Variants in GALNT17 observed in about 807,000 individuals in gnomAD.
The protein encoded by GALNT17 is polypeptide N-acetylgalactosaminyltransferase 17.
A neutral mutation model predicts 63.7 loss-of-function variants in GALNT17; 29 were observed. The ratio of observed to expected loss-of-function variants is 0.46; its 90% CI spans 0.34 to 0.62. The LOEUF is 0.62. GALNT17 is among the 20% of genes least tolerant of loss of function. The probability of loss-of-function intolerance (pLI) is 0.01; values close to 1 mark genes in which losing one functional copy is unlikely to be tolerated. For missense variants in GALNT17, 603 were observed against 799.6 expected, an observed-to-expected ratio of 0.75 and a Z score of 2.97; for synonymous variants, 305 against 318.3, an observed-to-expected ratio of 0.96 and a Z score of 0.45.
chr7:71,450,732 C>A (rs958338500), intron 5 of GALNT17, among the ~76,000 whole-genome samples: 3 of 152,218 alleles, frequency 2.0e-5, no homozygotes, highest in East Asian at 1.9e-4. Context: ...TTTGCCTGTT[C>A]TGGATGTTTT....
chr7:71,670,207 A>T, intron 8 of GALNT17, 98 bp downstream of exon 8: 2 of 1,549,458 alleles, frequency 1.3e-6, no homozygotes, highest in Non-Finnish European at 1.8e-6. Context: ...CATTCATTCA[A>T]TGAGTGGTTT....
At chr7:71,562,778 C>A (rs1280809297) in intron 5 of GALNT17, among the ~76,000 whole-genome samples, 1 of 152,092 alleles carries the variant, frequency 6.6e-6, no homozygotes, top group Admixed American at 6.6e-5. Context: ...GGGTTGAGGA[C>A]CCCTGGTATA....
At chr7:71,528,090 A>C (rs1235371535) in intron 5 of GALNT17, among the ~76,000 whole-genome samples, 1 of 152,196 alleles carries the variant, frequency 6.6e-6, no homozygotes, top group African/African-American at 2.4e-5. Flanking sequence ...TTTGCAATCT[A>C]TGGTACAGAA....
At chr7:71,484,666 C>A (rs1036932814) in intron 5 of GALNT17, among the ~76,000 whole-genome samples, 3 of 152,070 alleles carry the variant, frequency 2.0e-5, no homozygotes, top group Non-Finnish European at 2.9e-5. Flanking sequence ...TCCTGTGGGC[C>A]CACTGTCCTA....
Position 71,428,753 on chromosome 7 carries a change from T to C in GALNT17, c.962+7648T>C, listed in dbSNP as rs575725877. ...CGCCCGGCTGACATCGTTTTTAAAG[T>C]GGTTCCAAGTCCACATTCCTTCTGC... On this transcript the variant is annotated intron_variant, in intron 5 of 10. Transcript: ENST00000333538. 2.3e-3 allele frequency among the ~76,000 whole-genome samples: 348 copies of C among 152,274 alleles called. 1 individual carries two copies. Among genetic ancestry groups the C allele is most frequent in the African/African-American group, 7.8e-3 (324 of 41,574 alleles).
At chr7:71,473,660 A>G (rs1787678048) in intron 5 of GALNT17, among the ~76,000 whole-genome samples, 1 of 151,946 alleles carries the variant, frequency 6.6e-6, no homozygotes, top group Non-Finnish European at 1.5e-5. Flanking sequence ...CCAGGAATCC[A>G]ATGTTTCAGG....
At chr7:71,518,419 G>A (rs1442543389) in intron 5 of GALNT17, among the ~76,000 whole-genome samples, 1 of 152,178 alleles carries the variant, frequency 6.6e-6, no homozygotes, top group Non-Finnish European at 1.5e-5. Flanking sequence ...GATGGCTGAT[G>A]TACCATCACT....
intron 5 of GALNT17, among the ~76,000 whole-genome samples, chr7:71,466,141 C>A (rs1423096937): frequency 6.6e-6 from 1 of 152,184 alleles, no homozygotes; most frequent in African/African-American, 2.4e-5. Flanking sequence ...CAAAATACAT[C>A]AAAGTCACGT....
chr7:71,344,090 C>T (rs1401444582), intron 2 of GALNT17, among the ~76,000 whole-genome samples: 1 of 144,918 alleles, frequency 6.9e-6, no homozygotes, highest in Non-Finnish European at 1.5e-5. Flanking sequence ...ATTTATAGTC[C>T]TTTTGGTCAC....
intron 7 of GALNT17, among the ~76,000 whole-genome samples, chr7:71,666,683 G>A (rs1790990479): frequency 6.6e-6 from 1 of 151,936 alleles, no homozygotes; most frequent in African/African-American, 2.4e-5. Flanking sequence ...TAATACTCTC[G>A]AATCTCATCC....
At chr7:71,245,427 G>A (rs1790076166) in intron 1 of GALNT17, among the ~76,000 whole-genome samples, 2 of 152,214 alleles carry the variant, frequency 1.3e-5, no homozygotes, top group South Asian at 4.1e-4. Flanking sequence ...AGTAGTCTAT[G>A]CTCATGGTGA....
rs770720210 is a variant in GALNT17 at position 71,665,527 on chromosome 7, T to G, written c.1197T>G (p.Leu399=). Residue 399 remains leucine (L), a synonymous_variant, in exon 7 of 11, where the codon CTT becomes CTG. Transcript: ENST00000333538. ...GCTTCTACACCAAGAGGAATGCTCT[T>G]CGCGTTGCTGAGGTCTGGATGGACG... The part of the protein sequence containing the change: ...NIGFYTKRNA[L]RVAEVWMDDY... 2 of 1,614,090 alleles carry G rather than the reference T, an allele frequency of 1.2e-6. No individual in the cohort carries two copies. Among genetic ancestry groups the G allele is most frequent in the Admixed American group, 3.3e-5 (2 of 59,998 alleles).
At chr7:71,587,764 G>C (rs979849879) in intron 6 of GALNT17, among the ~76,000 whole-genome samples, 1 of 151,850 alleles carries the variant, frequency 6.6e-6, no homozygotes, top group Admixed American at 6.6e-5. Flanking sequence ...GTAAATTTCA[G>C]CTCATCTAAA....
At chr7:71,542,548 T>A (rs1276174734) in intron 5 of GALNT17, among the ~76,000 whole-genome samples, 2 of 151,680 alleles carry the variant, frequency 1.3e-5, no homozygotes, top group Non-Finnish European at 2.9e-5. Flanking sequence ...TACAAAAAAT[T>A]AGCCAGGTGT....
intron 1 of GALNT17, among the ~76,000 whole-genome samples, chr7:71,145,704 A>AT (rs1562860754): frequency 6.6e-6 from 1 of 151,792 alleles, no homozygotes; most frequent in Non-Finnish European, 1.5e-5. Flanking sequence ...GGGTTTCTTA[A>AT]TTTTTTTATT....
chr7:71,445,823 C>T (rs1252164627), intron 5 of GALNT17, among the ~76,000 whole-genome samples: 1 of 151,912 alleles, frequency 6.6e-6, no homozygotes. Flanking sequence ...CTCCTTAATG[C>T]CTCTGCACAC....
intron 2 of GALNT17, among the ~76,000 whole-genome samples, chr7:71,376,515 A>C (rs1435006964): frequency 1.5e-5 from 2 of 136,572 alleles, no homozygotes; most frequent in African/African-American, 5.6e-5. Context: ...TGAACTGAGA[A>C]TCTGAAGGAC....
At chr7:71,421,243 T>C (rs1786659171) in intron 5 of GALNT17, 138 bp downstream of exon 5, 2 of 863,678 alleles carry the variant, frequency 2.3e-6, no homozygotes, top group South Asian at 1.8e-5. Flanking sequence ...CGCCGTTGTC[T>C]CAGGATCACA....
rs551215751 is a variant in GALNT17 at position 71,159,528 on chromosome 7, A to G, written c.238+26488A>G. Among the ~76,000 whole-genome samples, 17 of 150,848 alleles carry G rather than the reference A, an allele frequency of 1.1e-4. 1 individual carries two copies. Among genetic ancestry groups the G allele is most frequent in the African/African-American group, 4.2e-4 (17 of 40,694 alleles). On this transcript the variant is annotated intron_variant, in intron 1 of 10. Coordinates refer to ENST00000333538, the MANE Select transcript of GALNT17 (RefSeq NM_022479.3). Reference sequence around the variant, plus strand: ...TTCTTTTCTCACTCACAATGTCATCAATTTATGTAATTTAATATAATTATG... The same window carrying G: ...TTCTTTTCTCACTCACAATGTCATCGATTTATGTAATTTAATATAATTATG...
Sources: gnomAD v4.1 joint callset for allele counts (sites outside exome capture counted in the v4.1 genomes callset) on GRCh38, gnomAD v4.1.1 for gene constraint, MANE v1.5 for transcripts, NCBI Gene and HGNC (gene_info 2026-07-23, HGNC 2026-07-21) for gene names.